Variants in TNR observed in about 807,000 individuals in gnomAD.
TNR encodes tenascin R.
A neutral mutation model predicts 150.4 loss-of-function variants in TNR; 45 were observed. The observed-to-expected ratio is 0.30, with a 90% CI of 0.24 to 0.38. The LOEUF is 0.38. Among genes scored for constraint, TNR ranks in the 10% least tolerant of loss-of-function variants. The pLI, the probability that TNR is intolerant of heterozygous loss-of-function variation, is 1.00. For missense variants in TNR, 1,544 were observed against 1,759.1 expected (o/e 0.88, Z 2.19); for synonymous variants, 687 against 678.4 (o/e 1.01, Z -0.20).
intron 1 of TNR, among the ~76,000 whole-genome samples, chr1:175,679,366 G>T (rs751554940): frequency 1.3e-5 from 2 of 152,202 alleles, no homozygotes; most frequent in Non-Finnish European, 2.9e-5. Flanking sequence ...AGCCCTCTGG[G>T]CCATAGACCA....
At chr1:175,726,388 T>C (rs1667480520) in intron 1 of TNR, among the ~76,000 whole-genome samples, 1 of 152,194 alleles carries the variant, frequency 6.6e-6, no homozygotes, top group Non-Finnish European at 1.5e-5. Flanking sequence ...AGTTTTAAGT[T>C]AAAAAGTGTG....
intron 1 of TNR, among the ~76,000 whole-genome samples, chr1:175,639,618 C>T (rs532364669): frequency 6.6e-6 from 1 of 152,162 alleles, no homozygotes; most frequent in Non-Finnish European, 1.5e-5. Flanking sequence ...GCTCAAAAAC[C>T]TTTAGTGTCT....
chr1:175,614,616 C>A (rs1042540394), intron 1 of TNR, among the ~76,000 whole-genome samples: 4 of 152,228 alleles, frequency 2.6e-5, no homozygotes, highest in Non-Finnish European at 5.9e-5. Context: ...GGAAGCCTGA[C>A]TCTTTGTAGC....
At chr1:175,733,503 A>G (rs1667695363) in intron 1 of TNR, among the ~76,000 whole-genome samples, 2 of 152,158 alleles carry the variant, frequency 1.3e-5, no homozygotes, top group South Asian at 4.1e-4. Context: ...CCCAGTCTCC[A>G]AGAATGGCTG....
chr1:175,327,933 C>A (rs1174681119), intron 21 of TNR, among the ~76,000 whole-genome samples: 1 of 152,158 alleles, frequency 6.6e-6, no homozygotes, highest in East Asian at 1.9e-4. Flanking sequence ...CATGGCAAAA[C>A]CCCATCTCTA....
chr1:175,397,292 C>T (rs1394850716), intron 4 of TNR, among the ~76,000 whole-genome samples: 1 of 152,106 alleles, frequency 6.6e-6, no homozygotes, highest in Non-Finnish European at 1.5e-5. Context: ...CATCTGTTTC[C>T]AGCTCCATGT....
At chr1:175,639,676 A>G (rs919899209) in intron 1 of TNR, among the ~76,000 whole-genome samples, 2 of 152,130 alleles carry the variant, frequency 1.3e-5, no homozygotes, top group Non-Finnish European at 2.9e-5. Flanking sequence ...ATAATCTACA[A>G]GACCTTTCAT....
At chr1:175,425,353 C>T (rs1446588294) in intron 2 of TNR, among the ~76,000 whole-genome samples, 2 of 152,140 alleles carry the variant, frequency 1.3e-5, no homozygotes, top group Non-Finnish European at 2.9e-5. Flanking sequence ...TGGCATTGAT[C>T]TCACAGGGTG....
intron 1 of TNR, among the ~76,000 whole-genome samples, chr1:175,697,306 A>C (rs1666559081): frequency 6.6e-6 from 1 of 151,832 alleles, no homozygotes; most frequent in Admixed American, 6.6e-5. Context: ...CTCTTGAGAC[A>C]AAAACCTGAA....
intron 19 of TNR, among the ~76,000 whole-genome samples, chr1:175,336,879 C>G (rs1650277610): frequency 6.6e-6 from 1 of 152,234 alleles, no homozygotes; most frequent in African/African-American, 2.4e-5. Flanking sequence ...TTTTCCTCAA[C>G]TGCCTGTTTG....
At chr1:175,710,017 A>G (rs1361997031) in intron 1 of TNR, among the ~76,000 whole-genome samples, 2 of 152,098 alleles carry the variant, frequency 1.3e-5, no homozygotes, top group Non-Finnish European at 2.9e-5. Context: ...AAGAACAATG[A>G]GATACTATTG....
intron 17 of TNR, among the ~76,000 whole-genome samples, chr1:175,355,136 T>C (rs1651260563): frequency 6.6e-6 from 1 of 152,230 alleles, no homozygotes; most frequent in African/African-American, 2.4e-5. Flanking sequence ...CAATATCATG[T>C]ACTTGGGAGT....
intron 1 of TNR, among the ~76,000 whole-genome samples, chr1:175,671,815 ATAG>A (rs144196563): frequency 0.033 from 4,998 of 152,142 alleles, 222 homozygotes; most frequent in African/African-American, 0.1. Flanking sequence ...TGCACTTGTG[ATAG>A]TAGTAGCAAC....
chr1:175,545,957 T>C (rs1660670234), intron 1 of TNR, among the ~76,000 whole-genome samples: 1 of 151,978 alleles, frequency 6.6e-6, no homozygotes, highest in Non-Finnish European at 1.5e-5. Flanking sequence ...AGAGTGTGCC[T>C]CCAAAGGAGA....
chr1:175,427,737 T>TCCTG (rs1655068569), intron 2 of TNR, among the ~76,000 whole-genome samples: 1 of 136,866 alleles, frequency 7.3e-6, no homozygotes, highest in Non-Finnish European at 1.6e-5. Context: ...TTCTTTTCCT[T>TCCTG]CCTTCCTTCC....
At chr1:175,701,845 C>T (rs1299433684) in intron 1 of TNR, among the ~76,000 whole-genome samples, 1 of 152,158 alleles carries the variant, frequency 6.6e-6, no homozygotes, top group Non-Finnish European at 1.5e-5. Flanking sequence ...TGCATTTGAA[C>T]AGGATCCCCA....
chr1:175,572,045 G>GAACCCT (rs1055724935), intron 1 of TNR, among the ~76,000 whole-genome samples: 3 of 152,130 alleles, frequency 2.0e-5, no homozygotes, highest in African/African-American at 7.2e-5. Context: ...CTCATGAGAA[G>GAACCCT]CACCCTCACC....
At chr1:175,564,624 AG>A (rs1396175606) in intron 1 of TNR, among the ~76,000 whole-genome samples, 1 of 152,040 alleles carries the variant, frequency 6.6e-6, no homozygotes, top group Non-Finnish European at 1.5e-5. Context: ...TTTGGTTTGA[AG>A]GGGGGAGCTT....
In TNR at chr1:175,555,168, G is replaced by A. The variant is rs534439454; in HGVS notation, c.-164-26799C>T. ...AGAAGAGAACATTACACAGTGCCTGGCCCAGAGGAGATATTCCATGGGTCC... is the reference window on the plus strand; with the variant it reads ...AGAAGAGAACATTACACAGTGCCTGACCCAGAGGAGATATTCCATGGGTCC... On this transcript the variant is annotated intron_variant, in intron 1 of 22. Coordinates refer to ENST00000367674, the MANE Select transcript of TNR (RefSeq NM_003285.3). Among the ~76,000 whole-genome samples the A allele has an allele frequency of 2.4e-4, 36 of 152,260 alleles. 2 individuals are homozygous for A. In the South Asian group the frequency reaches 7.1e-3, roughly 30 times the overall value.
Sources: allele counts gnomAD v4.1 joint callset (sites outside exome capture counted in the v4.1 genomes callset), GRCh38; gene constraint gnomAD v4.1.1; transcripts MANE v1.5; gene names NCBI Gene and HGNC (gene_info 2026-07-23, HGNC 2026-07-21).